Variants in APMAP observed in about 807,000 individuals in gnomAD.
APMAP encodes the protein adipocyte plasma membrane associated protein.
APMAP carries 33 observed loss-of-function variants against 43.6 expected under a neutral mutation model. The ratio of observed to expected loss-of-function variants is 0.76; its 90% confidence interval spans 0.57 to 1.01. The LOEUF (loss-of-function observed/expected upper bound fraction) is 1.01, where lower values mean the gene tolerates loss of function less well. Among genes scored for constraint, APMAP ranks in the 50% least tolerant of loss-of-function variants. APMAP has a pLI of 0.00. For synonymous variants in APMAP, 224 were observed against 216.7 expected (o/e 1.03, Z -0.30); for missense variants, 498 against 540.7 (o/e 0.92, Z 0.78).
At chr20:24,978,501 T>C (rs908620938) in intron 3 of APMAP, among the ~76,000 whole-genome samples, 1 of 152,242 alleles carries the variant, frequency 6.6e-6, no homozygotes, top group Admixed American at 6.5e-5. Flanking sequence ...CACAACACTT[T>C]GAGCACAACA....
chr20:24,979,292 G>A (rs577210760), intron 2 of APMAP, among the ~76,000 whole-genome samples: 268 of 152,256 alleles, frequency 1.8e-3, no homozygotes, highest in African/African-American at 5.7e-3. Context: ...CTGATGACCC[G>A]GCCTCGTATT....
chr20:24,981,334 CG>C (rs2088102988), intron 2 of APMAP, among the ~76,000 whole-genome samples: 1 of 152,230 alleles, frequency 6.6e-6, no homozygotes, highest in South Asian at 2.1e-4. Flanking sequence ...TGTATGATCA[CG>C]GATGGCTGGC....
chr20:24,976,839 C>T (rs1386061336), intron 3 of APMAP, among the ~76,000 whole-genome samples: 1 of 152,174 alleles, frequency 6.6e-6, no homozygotes, highest in Non-Finnish European at 1.5e-5. Context: ...GAATATTACT[C>T]AGTGCTAAAA....
In APMAP at chr20:24,963,991, A is replaced by C. The variant is rs1352351460; in HGVS notation, c.1073T>G (p.Val358Gly). 6.2e-7 allele frequency: 1 copy of C among 1,614,236 alleles called. No homozygotes were observed. Among genetic ancestry groups the C allele is most frequent in the South Asian group, 1.1e-5 (1 of 91,088 alleles). The change falls in exon 9 of 9, where the codon GTG (valine) becomes GGG (glycine). Residue 358 changes from valine (V) to glycine (G), a missense_variant. Transcript: ENST00000217456. ...TTCTAGGACGAGGCTGTACCGCGGC[A>C]CAAACTTCATCACCGTCTCTTGACT... ...LFSQETVMKF[V>G]PRYSLVLELS...
chr20:24,968,112 G>A (rs997713647), intron 8 of APMAP, among the ~76,000 whole-genome samples: 5 of 152,214 alleles, frequency 3.3e-5, no homozygotes, highest in Non-Finnish European at 7.3e-5. Flanking sequence ...GGAGCTTGCT[G>A]GAAAAGCAGA....
Position 24,968,983 on chromosome 20 carries a change from C to T in APMAP, c.950G>A (p.Trp317Ter). The T allele has an allele frequency of 6.2e-7, 1 of 1,614,100 alleles. No individual in the cohort carries two copies. Among genetic ancestry groups the T allele is most frequent in the Non-Finnish European group, 8.5e-7 (1 of 1,180,018 alleles). The stretch of plus-strand genomic sequence containing the variant: ...AGGGCGGATGGTCGACATGCCCACC[C>T]AGTACCCCCCAGAGCTGCTGGGCCG... ...NIRPSSSGGY[W>*]VGMSTIRPNP... The change falls in exon 8 of 9, where the codon TGG (tryptophan) becomes TAG (stop). Residue 317 changes from tryptophan (W) to a stop codon, truncating the protein, a stop_gained. Coordinates refer to ENST00000217456, the MANE Select transcript of APMAP (RefSeq NM_020531.3). LOFTEE classifies it high-confidence loss of function.
At chr20:24,980,820 G>A (rs1389932270) in intron 2 of APMAP, among the ~76,000 whole-genome samples, 1 of 146,202 alleles carries the variant, frequency 6.8e-6, no homozygotes, top group Non-Finnish European at 1.5e-5. Flanking sequence ...ATGGTCAAGA[G>A]GCCATGCCAC....
At chr20:24,986,505 T>A (rs1269231867) in intron 1 of APMAP, among the ~76,000 whole-genome samples, 1 of 152,206 alleles carries the variant, frequency 6.6e-6, no homozygotes, top group East Asian at 1.9e-4. Context: ...CTAATGTGAC[T>A]GACTTATACC....
At chr20:24,984,085 CG>C in intron 1 of APMAP, 66 bp from the exon 2 acceptor site, 1 of 1,329,064 alleles carries the variant, frequency 7.5e-7, no homozygotes, top group Non-Finnish European at 1.1e-6. Context: ...TTGGCTGGTC[CG>C]AAAGCCCTCC....
At chr20:24,978,665 CA>C in intron 3 of APMAP, 101 bp downstream of exon 3, 1 of 918,622 alleles carries the variant, frequency 1.1e-6, no homozygotes, top group East Asian at 2.6e-5. Context: ...TGCAGGGCCC[CA>C]GTCCAGGGGC....
At chr20:24,975,454 T>C (rs1237648658) in intron 3 of APMAP, among the ~76,000 whole-genome samples, 1 of 152,164 alleles carries the variant, frequency 6.6e-6, no homozygotes, top group East Asian at 1.9e-4. Context: ...CATACTTAGG[T>C]ATAAATATAA....
chr20:24,965,201 A>T (rs1340525705), intron 8 of APMAP, among the ~76,000 whole-genome samples: 1 of 152,100 alleles, frequency 6.6e-6, no homozygotes, highest in Admixed American at 6.5e-5. Flanking sequence ...CCTTCCCTTG[A>T]TCCCAGTCTC....
chr20:24,973,966 C>G (rs1371364190), intron 3 of APMAP, among the ~76,000 whole-genome samples: 3 of 152,178 alleles, frequency 2.0e-5, no homozygotes, highest in African/African-American at 7.2e-5. Flanking sequence ...GAACCTGACT[C>G]AAAAGCAAGG....
chr20:24,968,262 T>C (rs1178037065), intron 8 of APMAP, among the ~76,000 whole-genome samples: 1 of 151,972 alleles, frequency 6.6e-6, no homozygotes, highest in African/African-American at 2.4e-5. Flanking sequence ...GCTGTTGTGT[T>C]GAAGGGGCCA....
intron 3 of APMAP, among the ~76,000 whole-genome samples, chr20:24,977,134 A>T (rs954234740): frequency 6.6e-6 from 1 of 152,232 alleles, no homozygotes; most frequent in Non-Finnish European, 1.5e-5. Flanking sequence ...AACCCATAGA[A>T]TGTATAAAAC....
chr20:24,964,035 A>G lies in APMAP; in HGVS notation c.1042-13T>C, dbSNP rs781606078. 1.2e-6 allele frequency: 2 copies of G among 1,613,786 alleles called. No individual in the cohort carries two copies. The highest frequency in any genetic ancestry group is 1.7e-6 in the Non-Finnish European group (2 of 1,179,736). ...CTTGACTAAAGAGCTAGAGGGAAGC[A>G]CAGTGCAGGGAAAGTTCACCAGCTG... is the stretch of plus-strand genomic sequence containing the variant. On this transcript the variant is annotated splice_polypyrimidine_tract_variant and intron_variant, in intron 8 of 8. Coordinates refer to ENST00000217456, the MANE Select transcript of APMAP (RefSeq NM_020531.3).
chr20:24,969,199 G>A (rs1462864612), intron 7 of APMAP, 115 bp from the exon 8 acceptor site: 14 of 1,097,358 alleles, frequency 1.3e-5, no homozygotes, highest in Non-Finnish European at 1.7e-5. Context: ...AGTGCTCTAT[G>A]ACCATCATGA....
At chr20:24,971,318 T>G in intron 5 of APMAP, 142 bp downstream of exon 5, 1 of 710,782 alleles carries the variant, frequency 1.4e-6, no homozygotes, top group Non-Finnish European at 2.2e-6. Context: ...TTGCAGGCAA[T>G]GTTTTCAGTA....
At chr20:24,985,426 G>C (rs189545458) in intron 1 of APMAP, among the ~76,000 whole-genome samples, 40 of 152,294 alleles carry the variant, frequency 2.6e-4, no homozygotes, top group Non-Finnish European at 5.0e-4. Context: ...ACCAACCTGA[G>C]TGGGCAGGAA....
Sources: gnomAD v4.1 joint callset for allele counts (sites outside exome capture counted in the v4.1 genomes callset) on GRCh38, gnomAD v4.1.1 for gene constraint, MANE v1.5 for transcripts, NCBI Gene and HGNC (gene_info 2026-07-23, HGNC 2026-07-21) for gene names.